Variants in ANK3 observed in about 807,000 individuals in gnomAD.
ANK3 encodes ankyrin-3.
A neutral mutation model predicts 370.9 loss-of-function variants in ANK3; 57 were observed. That is an observed-to-expected ratio of 0.15 (90% confidence interval 0.12 to 0.19). The LOEUF is 0.19. Among genes scored for constraint, ANK3 ranks in the 10% least tolerant of loss-of-function variants. ANK3 has a pLI of 1.00. For synonymous variants in ANK3, 1,929 were observed against 1,946.3 expected (o/e 0.99, Z 0.23); for missense variants, 4,439 against 5,302.1 (o/e 0.84, Z 5.06).
chr10:60,196,484 A>G, intron 15 of ANK3, 43 bp downstream of exon 15: 1 of 1,321,542 alleles, frequency 7.6e-7, no homozygotes, highest in Non-Finnish European at 1.1e-6. Context: ...GTATTTTGTT[A>G]TCGTGGAAGT....
At chr10:60,090,916 C>CT (rs565348979) in intron 28 of ANK3, among the ~76,000 whole-genome samples, 5,791 of 148,348 alleles carry the variant, frequency 0.039, 166 homozygotes, top group Non-Finnish European at 0.061. Context: ...TTACTGACAT[C>CT]TTTTTTTTTT....
At chr10:60,254,942 G>A (rs1333711063) in intron 7 of ANK3, among the ~76,000 whole-genome samples, 1 of 152,162 alleles carries the variant, frequency 6.6e-6, no homozygotes, top group Non-Finnish European at 1.5e-5. Context: ...CCCAGCACCA[G>A]GTACTGGGCT....
At chr10:60,288,712 C>T (rs924423885) in intron 1 of ANK3, among the ~76,000 whole-genome samples, 27 of 152,008 alleles carry the variant, frequency 1.8e-4, no homozygotes, top group African/African-American at 4.8e-4. Flanking sequence ...GATTTAACTT[C>T]GCCATAAAGA....
intron 23 of ANK3, among the ~76,000 whole-genome samples, chr10:60,149,725 T>C (rs1565322584): frequency 6.6e-6 from 1 of 152,236 alleles, no homozygotes; most frequent in Non-Finnish European, 1.5e-5. Context: ...TTGTTGTTAT[T>C]TGAGACGAAG....
intron 2 of ANK3, among the ~76,000 whole-genome samples, chr10:60,501,705 CA>C (rs376934079): frequency 0.029 from 2,352 of 79,802 alleles, 49 homozygotes; most frequent in African/African-American, 0.1. Context: ...GACTCTGTCT[CA>C]AAAAAAAAAA....
chr10:60,671,991 C>T (rs1564526871), intron 1 of ANK3, among the ~76,000 whole-genome samples: 1 of 152,252 alleles, frequency 6.6e-6, no homozygotes, highest in Non-Finnish European at 1.5e-5. Context: ...GAATCGGAAA[C>T]CCCTAACTGA....
intron 1 of ANK3, among the ~76,000 whole-genome samples, chr10:60,316,647 G>A (rs2132870785): frequency 6.6e-6 from 1 of 152,260 alleles, no homozygotes; most frequent in African/African-American, 2.4e-5. Context: ...AGAGAACGTG[G>A]TTTTATAATT....
chr10:60,590,281 T>C (rs1157700954), intron 2 of ANK3, among the ~76,000 whole-genome samples: 2 of 152,222 alleles, frequency 1.3e-5, no homozygotes, highest in African/African-American at 2.4e-5. Flanking sequence ...CACTGGACAC[T>C]GAAGACTCAG....
chr10:60,503,813 G>T (rs754839094), intron 2 of ANK3, among the ~76,000 whole-genome samples: 18 of 152,146 alleles, frequency 1.2e-4, no homozygotes, highest in Non-Finnish European at 2.4e-4. Flanking sequence ...AAGATGAGAT[G>T]TTTGTCCAAG....
At chr10:60,186,651 G>A in intron 17 of ANK3, 64 bp downstream of exon 17, 1 of 1,496,330 alleles carries the variant, frequency 6.7e-7, no homozygotes. Flanking sequence ...TGAATTCTTA[G>A]TGACCTTTCT....
intron 1 of ANK3, among the ~76,000 whole-genome samples, chr10:60,616,182 A>G (rs901175748): frequency 3.3e-5 from 5 of 152,172 alleles, no homozygotes; most frequent in African/African-American, 9.6e-5. Flanking sequence ...AGCTTCCAAT[A>G]AAGAAAAAAA....
chr10:60,084,659 G>C lies in ANK3; in HGVS notation c.4017C>G (p.Asp1339Glu). The change falls in exon 32 of 44, where the codon GAC (aspartate) becomes GAG (glutamate). Residue 1339 changes from aspartate to glutamate, a missense_variant. Transcript: ENST00000280772. ...AATTCTCTTGTTGCTCTAAAGTTTTGTCCACTTTGTCATCTGTCATGCAGA... is the reference window on the plus strand; with the variant it reads ...AATTCTCTTGTTGCTCTAAAGTTTTCTCCACTTTGTCATCTGTCATGCAGA... ...RCFCMTDDKVDKTLEQQENFE... is the reference protein window; with the variant it reads ...RCFCMTDDKVEKTLEQQENFE... 1.2e-6 allele frequency: 2 copies of C among 1,613,706 alleles called. No homozygotes were observed. Among genetic ancestry groups the C allele is most frequent in the Non-Finnish European group, 1.7e-6 (2 of 1,179,896 alleles).
chr10:60,539,887 C>T (rs1358232295), intron 2 of ANK3, among the ~76,000 whole-genome samples: 4 of 151,762 alleles, frequency 2.6e-5, no homozygotes, highest in South Asian at 2.1e-4. Context: ...TCTTATACCA[C>T]GAAGCTAATA....
intron 23 of ANK3, among the ~76,000 whole-genome samples, chr10:60,159,538 T>C (rs745903398): frequency 1.3e-5 from 2 of 152,074 alleles, no homozygotes; most frequent in Non-Finnish European, 2.9e-5. Context: ...AAAGAAACAC[T>C]GGACTTAATC....
chr10:60,646,012 A>G (rs1035176361), intron 1 of ANK3, among the ~76,000 whole-genome samples: 1 of 152,132 alleles, frequency 6.6e-6, no homozygotes, highest in African/African-American at 2.4e-5. Flanking sequence ...GGAAGATCTA[A>G]TATCAACTAT....
At chr10:60,296,180 T>C (rs926379315) in intron 1 of ANK3, among the ~76,000 whole-genome samples, 1 of 152,236 alleles carries the variant, frequency 6.6e-6, no homozygotes, top group Non-Finnish European at 1.5e-5. Flanking sequence ...TTAGTTCTCC[T>C]AGAGTCTTTC....
intron 23 of ANK3, among the ~76,000 whole-genome samples, chr10:60,160,748 T>C (rs1324639423): frequency 6.6e-6 from 1 of 152,156 alleles, no homozygotes; most frequent in Admixed American, 6.5e-5. Flanking sequence ...TGGTTCAACA[T>C]ATGCAAATGA....
At chr10:60,583,389 C>A (rs2077782134) in intron 2 of ANK3, among the ~76,000 whole-genome samples, 1 of 151,850 alleles carries the variant, frequency 6.6e-6, no homozygotes, top group South Asian at 2.1e-4. Flanking sequence ...AGACATTGAT[C>A]GACGGTATAA....
chr10:60,523,054 C>G (rs1422715204), intron 2 of ANK3, among the ~76,000 whole-genome samples: 69 of 151,976 alleles, frequency 4.5e-4, no homozygotes, highest in Non-Finnish European at 5.9e-5. Context: ...TAACCAAGAA[C>G]AGTATACTAG....
Sources: gnomAD v4.1 joint callset for allele counts (sites outside exome capture counted in the v4.1 genomes callset) on GRCh38, gnomAD v4.1.1 for gene constraint, MANE v1.5 for transcripts, NCBI Gene and HGNC (gene_info 2026-07-23, HGNC 2026-07-21) for gene names.